Variants in LPIN2 observed in about 807,000 individuals in gnomAD.
The protein encoded by LPIN2 is phosphatidate phosphatase LPIN2.
Under a neutral mutation model 111.4 loss-of-function variants are expected in LPIN2, and 55 were observed. That is an observed-to-expected ratio of 0.49 (90% CI 0.40 to 0.62). LPIN2 has a LOEUF of 0.62. Among genes scored for constraint, LPIN2 ranks in the 20% least tolerant of loss-of-function variants. LPIN2 has a pLI of 0.00. For synonymous variants in LPIN2, 425 were observed against 414.0 expected, an observed-to-expected ratio of 1.03 and a Z score of -0.32; for missense variants, 992 against 1,112.1, an observed-to-expected ratio of 0.89 and a Z score of 1.54.
chr18:2,924,694 C>A (rs1267141065), intron 14 of LPIN2, 148 bp from the exon 15 acceptor site: 1 of 804,402 alleles, frequency 1.2e-6, no homozygotes, highest in South Asian at 1.5e-5. Flanking sequence ...CTGTGCCCAG[C>A]GCAGCTGACA....
At chr18:2,959,614 T>C (rs1357668460) in intron 2 of LPIN2, among the ~76,000 whole-genome samples, 1 of 152,174 alleles carries the variant, frequency 6.6e-6, no homozygotes, top group South Asian at 2.1e-4. Context: ...TCTAATTTGA[T>C]TGACATCAGA....
chr18:2,958,111 C>T (rs1432883960), intron 2 of LPIN2, among the ~76,000 whole-genome samples: 1 of 111,798 alleles, frequency 8.9e-6, no homozygotes, highest in Non-Finnish European at 1.8e-5. Flanking sequence ...CACTGCACTC[C>T]AGCTTGGGCG....
chr18:2,966,685 CTACT>C (rs997078368), intron 1 of LPIN2, among the ~76,000 whole-genome samples: 6 of 152,128 alleles, frequency 3.9e-5, no homozygotes, highest in African/African-American at 1.4e-4. Context: ...TGCGACTTGA[CTACT>C]TAAAGATGAA....
At position 2,946,667 on chromosome 18, in the gene LPIN2, C is replaced by A. The variant is rs2077457131; in HGVS notation, c.590+4388G>T. On this transcript the variant is annotated intron_variant, in intron 4 of 19. Coordinates refer to ENST00000677752, the MANE Select transcript of LPIN2 (RefSeq NM_001375808.2). ...AAGTGAGAAAAAAATCAATTGAATG[C>A]CAAAATAAATAGCCTGAATTATTTA... 6 of 636,054 alleles carry A rather than the reference C, an allele frequency of 9.4e-6. No individual in the cohort carries two copies. In the South Asian group the frequency reaches 1.1e-4, roughly 12 times the overall value. The allele number at this position is 636,054 out of a possible 1,614,324, so 39.4% of individuals were successfully genotyped here.
At chr18:2,953,264 A>T (rs1301314486) in intron 3 of LPIN2, among the ~76,000 whole-genome samples, 1 of 152,236 alleles carries the variant, frequency 6.6e-6, no homozygotes, top group Non-Finnish European at 1.5e-5. Flanking sequence ...GGTTAACATC[A>T]ATAACCCAGT....
rs528852597 is a variant in LPIN2, at chr18:2,988,366, T to C, written c.-10+24721A>G. ...TCACAATGTTTAGAAATTCTAATGC[T>C]ATACTTAAGTGTTATGAAGAATTTT... On this transcript the variant is annotated intron_variant, in intron 1 of 19. Coordinates refer to ENST00000677752, the MANE Select transcript of LPIN2 (RefSeq NM_001375808.2). 6.6e-4 allele frequency among the ~76,000 whole-genome samples: 101 copies of C among 152,364 alleles called. No individual in the cohort carries two copies. The Middle Eastern group carries it at 0.01, about 15-fold the overall frequency.
At chr18:2,948,270 T>A (rs2077484684) in intron 4 of LPIN2, 1 of 152,192 alleles carries the variant, frequency 6.6e-6, no homozygotes, top group African/African-American at 2.4e-5. Flanking sequence ...TTACGTGTGT[T>A]GTGACATGCC....
At chr18:2,962,196 G>T (rs118025491) in intron 1 of LPIN2, among the ~76,000 whole-genome samples, 1 of 151,752 alleles carries the variant, frequency 6.6e-6, no homozygotes, top group African/African-American at 2.4e-5. Flanking sequence ...TGTAATCAAG[G>T]CCCATCAGTT....
Position 2,999,587 on chromosome 18 carries a change from G to C in LPIN2, c.-10+13500C>G, listed in dbSNP as rs142016269. On this transcript the variant is annotated intron_variant, in intron 1 of 19. Transcript: ENST00000677752. The stretch of plus-strand genomic sequence containing the variant: ...CCACTGCACTCCAGCCTGGGTGACA[G>C]AGAGAAACTCCGTCTCAAAAAGAAA... Among the ~76,000 whole-genome samples the C allele has an allele frequency of 7.6e-3, 1,110 of 146,634 alleles. 15 individuals carry two copies. Among genetic ancestry groups the C allele is most frequent in the African/African-American group, 0.027 (1,061 of 39,990 alleles).
rs2077356757 is a variant in LPIN2 at position 2,940,732 on chromosome 18, G to GA, written c.591-21dup. 3 of 1,408,146 alleles carry GA rather than the reference G, an allele frequency of 2.1e-6. No homozygotes were observed. In the South Asian group the frequency reaches 3.5e-5, roughly 16 times the overall value. 87.2% of individuals were successfully genotyped at this position (1,408,146 alleles called of 1,614,324 possible). A position where few individuals can be genotyped will look rare whatever the true frequency, so the allele number is the denominator to read the frequency against. On this transcript the variant is annotated intron_variant, in intron 4 of 19. Coordinates refer to ENST00000677752, the MANE Select transcript of LPIN2 (RefSeq NM_001375808.2). Reference sequence around the variant, plus strand: ...GATCCTCTGTGAAGGAGAAACCAAAGAAAGGCAGGAACGATGACATTCTTG... The same window carrying GA: ...GATCCTCTGTGAAGGAGAAACCAAAGAAAAGGCAGGAACGATGACATTCTTG...
intron 2 of LPIN2, among the ~76,000 whole-genome samples, chr18:2,957,610 G>A (rs1196119021): frequency 6.6e-6 from 1 of 152,100 alleles, no homozygotes; most frequent in Non-Finnish European, 1.5e-5. Context: ...CTTTGACAGG[G>A]AGACTAAATA....
In LPIN2 at chr18:2,951,096, T is replaced by A. The variant is rs1407153374; in HGVS notation, c.549A>T (p.Val183=). 6.2e-7 allele frequency: 1 copy of A among 1,614,220 alleles called. No individual in the cohort carries two copies. Residue 183 remains valine (V), a synonymous_variant, in exon 4 of 20, where the codon GTA becomes GTT. Transcript: ENST00000677752. ...CCTTGTCATCATCGGAGCTCACGCCTACATCACATGTGTCTTCTGCAGCAG... is the reference window on the plus strand; with the variant it reads ...CCTTGTCATCATCGGAGCTCACGCCAACATCACATGTGTCTTCTGCAGCAG... The part of the protein sequence containing the change: ...ASAAAEDTCD[V]GVSSDDDKGA...
At chr18:2,942,997 G>A (rs765660875) in intron 4 of LPIN2, among the ~76,000 whole-genome samples, 3 of 152,222 alleles carry the variant, frequency 2.0e-5, no homozygotes, top group Non-Finnish European at 4.4e-5. Flanking sequence ...GAGGTTCACA[G>A]CCAGTGTGAA....
chr18:2,997,763 CAGG>C (rs1164563010), intron 1 of LPIN2, among the ~76,000 whole-genome samples: 1 of 152,220 alleles, frequency 6.6e-6, no homozygotes, highest in Middle Eastern at 3.2e-3. Flanking sequence ...ACAGAAGTAG[CAGG>C]AGGATTCCTT....
chr18:3,005,649 C>A (rs1399199310), intron 1 of LPIN2, among the ~76,000 whole-genome samples: 1 of 149,180 alleles, frequency 6.7e-6, no homozygotes, highest in Non-Finnish European at 1.5e-5. Flanking sequence ...TGTACTCCAG[C>A]CTGGACAACA....
At chr18:2,968,810 GCTT>G (rs1341965183) in intron 1 of LPIN2, among the ~76,000 whole-genome samples, 1 of 152,190 alleles carries the variant, frequency 6.6e-6, no homozygotes, top group Non-Finnish European at 1.5e-5. Context: ...TGCAATCAGT[GCTT>G]CTTCTGTTCA....
chr18:2,934,313 T>C (rs764239905), intron 8 of LPIN2, 38 bp downstream of exon 8: 3 of 1,374,188 alleles, frequency 2.2e-6, no homozygotes, highest in South Asian at 1.2e-5. Context: ...AACTAGACTA[T>C]TTCAGAGCTG....
At chr18:2,939,934 G>A (rs1018708726) in intron 5 of LPIN2, among the ~76,000 whole-genome samples, 4 of 152,196 alleles carry the variant, frequency 2.6e-5, no homozygotes, top group African/African-American at 9.7e-5. Context: ...CATAACACCT[G>A]AGAATCTGAT....
intron 2 of LPIN2, 100 bp downstream of exon 2, chr18:2,960,549 C>T (rs1308880956): frequency 4.6e-5 from 55 of 1,205,944 alleles, no homozygotes; most frequent in East Asian, 9.3e-5. Context: ...CTCACAATAG[C>T]GATTTATTCA....
Sources: gnomAD v4.1 joint callset for allele counts (sites outside exome capture counted in the v4.1 genomes callset) on GRCh38, gnomAD v4.1.1 for gene constraint, MANE v1.5 for transcripts, NCBI Gene and HGNC (gene_info 2026-07-23, HGNC 2026-07-21) for gene names.